Variants in PIK3C2G observed in about 807,000 individuals in gnomAD.
PIK3C2G encodes phosphatidylinositol-4-phosphate 3-kinase catalytic subunit type 2 gamma, also known as phosphatidylinositol 3-kinase C2 domain-containing subunit gamma.
Under a neutral mutation model 181.1 loss-of-function variants are expected in PIK3C2G, and 168 were observed. That is an observed-to-expected ratio of 0.93 (90% CI 0.82 to 1.05). PIK3C2G has a LOEUF of 1.05. Among genes scored for constraint, PIK3C2G ranks in the 50% least tolerant of loss-of-function variants. The probability of loss-of-function intolerance (pLI) is 0.00; values close to 1 mark genes in which losing one functional copy is unlikely to be tolerated. For synonymous variants in PIK3C2G, 573 were observed against 592.2 expected (o/e 0.97, Z 0.47); for missense variants, 1,869 against 1,732.8 (o/e 1.08, Z -1.40).
chr12:18,291,771 T>G (rs748166664), intron 4 of PIK3C2G, among the ~76,000 whole-genome samples: 1 of 151,994 alleles, frequency 6.6e-6, no homozygotes, highest in Admixed American at 6.6e-5. Context: ...GCTTCTTTCT[T>G]ACTCTATTCA....
the PIK3C2G span, among the ~76,000 whole-genome samples, chr12:18,674,454 C>T: frequency 8.9e-4 from 136 of 152,248 alleles, no homozygotes; most frequent in African/African-American, 3.0e-3. Context: ...ATGCCTGGCA[C>T]GTGATATTTT....
intron 5 of PIK3C2G, among the ~76,000 whole-genome samples, chr12:18,312,578 A>G (rs1950685849): frequency 1.3e-5 from 2 of 152,206 alleles, no homozygotes; most frequent in Non-Finnish European, 2.9e-5. Context: ...GGGAAGGAGG[A>G]AGGAGAAATC....
intron 18 of PIK3C2G, among the ~76,000 whole-genome samples, chr12:18,457,314 C>T (rs993271884): frequency 1.3e-5 from 2 of 152,144 alleles, no homozygotes; most frequent in Non-Finnish European, 2.9e-5. Context: ...TCTGAATTTC[C>T]TTTTGGATGG....
chr12:18,626,961 T>C (rs1382368865), intron 31 of PIK3C2G, among the ~76,000 whole-genome samples: 1 of 152,078 alleles, frequency 6.6e-6, no homozygotes, highest in African/African-American at 2.4e-5. Flanking sequence ...TCTTTAAATA[T>C]GCTTTGTGAC....
chr12:18,305,945 T>A (rs1051064189), intron 5 of PIK3C2G, among the ~76,000 whole-genome samples: 1 of 151,816 alleles, frequency 6.6e-6, no homozygotes, highest in African/African-American at 2.4e-5. Context: ...TTTTTTTTTT[T>A]ACCGACTTTC....
At chr12:18,334,169 G>C (rs111975094) in intron 8 of PIK3C2G, among the ~76,000 whole-genome samples, 10 of 152,208 alleles carry the variant, frequency 6.6e-5, no homozygotes, top group African/African-American at 2.4e-4. Context: ...AAGCAGTTTA[G>C]TCTAAACTCC....
chr12:18,613,847 G>T (rs1021589698), intron 31 of PIK3C2G, among the ~76,000 whole-genome samples: 12 of 152,000 alleles, frequency 7.9e-5, no homozygotes, highest in African/African-American at 2.9e-4. Context: ...TTCGGTACTT[G>T]GCACCAAGTA....
chr12:18,677,741 A>G, the PIK3C2G span, among the ~76,000 whole-genome samples: 1 of 152,096 alleles, frequency 6.6e-6, no homozygotes, highest in Non-Finnish European at 1.5e-5. Context: ...TAAGGTTAAG[A>G]ACAACTGGTC....
chr12:18,538,866 A>C (rs1453042599), intron 25 of PIK3C2G, among the ~76,000 whole-genome samples: 1 of 151,940 alleles, frequency 6.6e-6, no homozygotes, highest in East Asian at 1.9e-4. Context: ...CTTGTGACCA[A>C]CAGGGGAAAA....
chr12:18,568,436 G>C (rs770909743), intron 29 of PIK3C2G, among the ~76,000 whole-genome samples: 17 of 151,648 alleles, frequency 1.1e-4, no homozygotes, highest in Non-Finnish European at 2.2e-4. Flanking sequence ...GAGACAGAGA[G>C]AGAAAGAAAA....
rs1223695781 is a variant in PIK3C2G, at chr12:18,489,582, G to T, written c.2685+953G>T. On this transcript the variant is annotated intron_variant, in intron 19 of 32. Transcript: ENST00000538779. ...TGGAAAATAAAAAAGCAAAAGTTTG[G>T]AATTAATTTTTAAATGGGAGATATA... Among the ~76,000 whole-genome samples, 18 of 151,916 alleles carry T rather than the reference G, an allele frequency of 1.2e-4. 1 individual carries two copies.
At chr12:18,253,106 T>C (rs1948110795) in intron 1 of PIK3C2G, among the ~76,000 whole-genome samples, 1 of 152,136 alleles carries the variant, frequency 6.6e-6, no homozygotes, top group South Asian at 2.1e-4. Context: ...ATAAATTATA[T>C]CTCAAGAAAA....
intron 29 of PIK3C2G, among the ~76,000 whole-genome samples, chr12:18,574,874 C>G (rs1394254543): frequency 1.3e-5 from 2 of 152,004 alleles, no homozygotes; most frequent in Non-Finnish European, 2.9e-5. Context: ...GTTTAAATTT[C>G]TTTTGTTACA....
At chr12:18,596,109 A>G (rs1273004699) in intron 30 of PIK3C2G, among the ~76,000 whole-genome samples, 1 of 152,088 alleles carries the variant, frequency 6.6e-6, no homozygotes, top group Non-Finnish European at 1.5e-5. Context: ...TGACAGAAAG[A>G]ACAACTATGA....
intron 30 of PIK3C2G, among the ~76,000 whole-genome samples, chr12:18,604,236 G>T (rs879500024): frequency 1.3e-5 from 2 of 152,130 alleles, no homozygotes; most frequent in African/African-American, 2.4e-5. Context: ...AGCGAGCAGG[G>T]TTAGCTATTC....
chr12:18,499,857 T>C (rs1045733294), intron 22 of PIK3C2G, among the ~76,000 whole-genome samples: 2 of 152,256 alleles, frequency 1.3e-5, no homozygotes, highest in Non-Finnish European at 2.9e-5. Flanking sequence ...ACCTAGGAAC[T>C]TGTTAGAAAT....
intron 14 of PIK3C2G, among the ~76,000 whole-genome samples, chr12:18,388,487 C>G (rs1240121075): frequency 6.6e-6 from 1 of 152,128 alleles, no homozygotes. Flanking sequence ...GTTGGCCAGG[C>G]TGGTCTTGAA....
chr12:18,637,167 A>T (rs1437551850), intron 31 of PIK3C2G, among the ~76,000 whole-genome samples: 2 of 152,142 alleles, frequency 1.3e-5, no homozygotes, highest in African/African-American at 2.4e-5. Flanking sequence ...ATCTGATTAT[A>T]TCCTTTCCCC....
intron 18 of PIK3C2G, among the ~76,000 whole-genome samples, chr12:18,477,135 G>A (rs58247481): frequency 0.023 from 3,453 of 152,062 alleles, 140 homozygotes; most frequent in African/African-American, 0.08. Context: ...TCATAAGGAC[G>A]CCAGCCCTAT....
Sources: gnomAD v4.1 joint callset for allele counts (sites outside exome capture counted in the v4.1 genomes callset) on GRCh38, gnomAD v4.1.1 for gene constraint, MANE v1.5 for transcripts, NCBI Gene and HGNC (gene_info 2026-07-23, HGNC 2026-07-21) for gene names.